The following SHE variants were observed in gnomAD, a reference collection of about 807,000 sequenced individuals.
SHE encodes SH2 domain-containing adapter protein E.
SHE carries 11 observed loss-of-function variants against 49.8 expected under a neutral mutation model. That is an observed-to-expected ratio of 0.22 (90% CI 0.14 to 0.37). The LOEUF (loss-of-function observed/expected upper bound fraction) is 0.37. SHE is among the 10% of genes least tolerant of loss of function. The pLI is 1.00. For missense variants in SHE, 624 were observed against 655.5 expected, an observed-to-expected ratio of 0.95 and a Z score of 0.52; for synonymous variants, 310 against 278.1, an observed-to-expected ratio of 1.11 and a Z score of -1.14.
intron 2 of SHE, among the ~76,000 whole-genome samples, chr1:154,490,088 T>C (rs1262436655): frequency 6.6e-6 from 1 of 152,248 alleles, no homozygotes. Flanking sequence ...ATTCAAAGCA[T>C]TGCTGCATAT....
At position 154,489,171 on chromosome 1, in the gene SHE, T is replaced by C. The variant is rs756211241; in HGVS notation, c.904A>G (p.Arg302Gly). Residue 302 changes from arginine to glycine, a missense_variant, in exon 3 of 6, where the codon AGG (arginine) becomes GGG (glycine). Arg to Gly is a moderately radical substitution (Grantham distance 125). Coordinates refer to ENST00000304760, the MANE Select transcript of SHE (RefSeq NM_001010846.3). The stretch of plus-strand genomic sequence containing the variant: ...GGGGGCCGCGCCTTCCCCTCTGCCC[T>C]GGGCCCCCCTTCTGCAGGCTCGTAG... The part of the protein sequence containing the change: ...TPYEPAEGGP[R>G]AEGKARPPDS... The C allele has an allele frequency of 1.2e-6, 2 of 1,614,154 alleles. No individual in the cohort carries two copies. Among genetic ancestry groups the C allele is most frequent in the Non-Finnish European group, 8.5e-7 (1 of 1,180,028 alleles).
At chr1:154,478,649 G>A (rs556382119), downstream of SHE, among the ~76,000 whole-genome samples, 2 of 152,188 alleles carry the variant, frequency 1.3e-5, no homozygotes, top group Non-Finnish European at 2.9e-5. Context: ...CGGAAAAAGA[G>A]TCTATTCTCA....
intron 2 of SHE, among the ~76,000 whole-genome samples, chr1:154,490,785 C>G (rs1692337476): frequency 6.6e-6 from 1 of 150,878 alleles, no homozygotes; most frequent in African/African-American, 2.4e-5. Context: ...AAAACAAAAC[C>G]ATTATAAGGT....
At chr1:154,484,389 C>G (rs1479175034) in intron 5 of SHE, 54 bp from the exon 6 acceptor site, 5 of 1,498,810 alleles carry the variant, frequency 3.3e-6, no homozygotes, top group Non-Finnish European at 3.7e-6. Context: ...GATCCCTCCC[C>G]ACTGAAAACA....
downstream of SHE, among the ~76,000 whole-genome samples, chr1:154,478,524 C>T (rs1691940991): frequency 6.6e-6 from 1 of 150,906 alleles, no homozygotes; most frequent in African/African-American, 2.4e-5. Context: ...GTTATTTCAT[C>T]ATTCTAAGCA....
Position 154,482,655 on chromosome 1 carries a change from A to G in SHE, c.*1494T>C. The G allele has an allele frequency of 5.1e-6, 5 of 985,436 alleles. No homozygotes were observed. The highest frequency in any genetic ancestry group is 4.8e-6 in the Non-Finnish European group (4 of 829,942). The allele number at this position is 985,436 out of a possible 1,614,324, so 61.0% of individuals were successfully genotyped here. On this transcript the variant is annotated 3_prime_UTR_variant, in exon 6 of 6. Transcript: ENST00000304760. ...CTGAATTTTAATTCTGGAGCCATTC[A>G]CCATAGTACTCTTCTCACAGTATGC... is the stretch of plus-strand genomic sequence containing the variant.
At chr1:154,484,485 G>A in intron 5 of SHE, 150 bp from the exon 6 acceptor site, 2 of 637,112 alleles carry the variant, frequency 3.1e-6, no homozygotes, top group Admixed American at 3.0e-5. Flanking sequence ...CCACACTCTA[G>A]TGGTACTCTC....
In SHE at chr1:154,501,631, C is replaced by T. The variant is rs1345274504; in HGVS notation, c.396G>A (p.Arg132=). Residue 132 remains arginine, a synonymous_variant, in exon 1 of 6, where the codon CGG becomes CGA. Coordinates refer to ENST00000304760, the MANE Select transcript of SHE (RefSeq NM_001010846.3). ...NSRATEEEPH[R]GATKSSGCST... Reference sequence around the variant, plus strand: ...TGCAGCCCGAGCTCTTGGTTGCACCCCGGTGGGGCTCCTCCTCCGTGGCCC... The same window carrying T: ...TGCAGCCCGAGCTCTTGGTTGCACCTCGGTGGGGCTCCTCCTCCGTGGCCC... 26 of 1,614,070 alleles carry T rather than the reference C, an allele frequency of 1.6e-5. No homozygotes were observed. Among genetic ancestry groups the T allele is most frequent in the Non-Finnish European group, 2.2e-5 (26 of 1,180,038 alleles).
rs144010308 is a variant in SHE at position 154,487,180 on chromosome 1, G to A, written c.1025-497C>T. On this transcript the variant is annotated intron_variant, in intron 3 of 5. Coordinates refer to ENST00000304760, the MANE Select transcript of SHE (RefSeq NM_001010846.3). Reference sequence around the variant, plus strand: ...CCAGCTACTTGGGAGGCTGAGGCAGGAGAATCACTTGAACCCGGGAGGCAG... The same window carrying A: ...CCAGCTACTTGGGAGGCTGAGGCAGAAGAATCACTTGAACCCGGGAGGCAG... Among the ~76,000 whole-genome samples, 698 of 150,718 alleles carry A rather than the reference G, an allele frequency of 4.6e-3. 14 individuals carry two copies. The East Asian group carries it at 0.065, about 14-fold the overall frequency.
chr1:154,486,006 T>G lies in SHE; in HGVS notation c.1238A>C (p.Lys413Thr). 6.2e-7 allele frequency: 1 copy of G among 1,614,152 alleles called. No homozygotes were observed. Among genetic ancestry groups the G allele is most frequent in the African/African-American group, 1.3e-5 (1 of 75,034 alleles). The change falls in exon 5 of 6, where the codon AAA (lysine) becomes ACA (threonine). Residue 413 changes from lysine to threonine, a missense_variant. Around this residue, in one of 4 missense-constraint regions of SHE, gnomAD observed 125 missense variants for 181.7 expected, o/e 0.69. Coordinates refer to ENST00000304760, the MANE Select transcript of SHE (RefSeq NM_001010846.3). The part of the protein sequence containing the change: ...AEAESRLQPC[K>T]EAGYLVRNSE... ...ATTTCGAACCAGGTAACCAGCTTCT[T>G]TGCAGGGCTGTAGTCGACTCTCAGC...
Position 154,482,332 on chromosome 1 carries a change from A to T in SHE, c.*1817T>A. On this transcript the variant is annotated 3_prime_UTR_variant, in exon 6 of 6. Coordinates refer to ENST00000304760, the MANE Select transcript of SHE (RefSeq NM_001010846.3). ...CCCAGCCTACATTCTTTATTAATAA[A>T]ATCATTGTGTTCCAGTGAGGAAAAG... 2 of 985,330 alleles carry T rather than the reference A, an allele frequency of 2.0e-6. No homozygotes were observed. The highest frequency in any genetic ancestry group is 2.4e-6 in the Non-Finnish European group (2 of 829,906). 61.0% of individuals were successfully genotyped at this position (985,330 alleles called of 1,614,324 possible). A position where few individuals can be genotyped will look rare whatever the true frequency, so the allele number is the denominator to read the frequency against.
downstream of SHE, among the ~76,000 whole-genome samples, chr1:154,475,246 G>A (rs1043868323): frequency 3.3e-5 from 5 of 152,160 alleles, no homozygotes; most frequent in Admixed American, 1.3e-4. Flanking sequence ...GAGTGCAACG[G>A]CGTGATCTTG....
downstream of SHE, among the ~76,000 whole-genome samples, chr1:154,476,367 G>A (rs1013706110): frequency 1.5e-4 from 23 of 152,012 alleles, no homozygotes; most frequent in Admixed American, 6.6e-5. Context: ...AAATCAGGCC[G>A]AGCACGGTGG....
In SHE at chr1:154,480,283, G is replaced by A. The variant is rs1450088905; in HGVS notation, c.*3866C>T. The A allele has an allele frequency of 2.0e-6, 2 of 985,310 alleles. No individual in the cohort carries two copies. The highest frequency in any genetic ancestry group is 3.5e-5 in the African/African-American group (2 of 57,222). 61.0% of individuals were successfully genotyped at this position (985,310 alleles called of 1,614,324 possible). On this transcript the variant is annotated 3_prime_UTR_variant, in exon 6 of 6. Coordinates refer to ENST00000304760, the MANE Select transcript of SHE (RefSeq NM_001010846.3). ...GTCAAGGGGTGCGGGGAAGGGAAATGAAATCGACATCACTGCACTCCCTAA... is the reference window on the plus strand; with the variant it reads ...GTCAAGGGGTGCGGGGAAGGGAAATAAAATCGACATCACTGCACTCCCTAA...
intron 2 of SHE, among the ~76,000 whole-genome samples, chr1:154,496,848 G>A (rs908367303): frequency 4.6e-5 from 7 of 152,000 alleles, no homozygotes; most frequent in Non-Finnish European, 7.4e-5. Flanking sequence ...ATAAACAGAT[G>A]TATGGTATAA....
chr1:154,485,980 T>C lies in SHE; in HGVS notation c.1264A>G (p.Ser422Gly). ...CKEAGYLVRN[S>G]ESGNSRYSIA... ...GAGTACCTGCTGTTCCCTGACTCACTATTTCGAACCAGGTAACCAGCTTCT... is the reference window on the plus strand; with the variant it reads ...GAGTACCTGCTGTTCCCTGACTCACCATTTCGAACCAGGTAACCAGCTTCT... Residue 422 changes from serine to glycine, a missense_variant, in exon 5 of 6, where the codon AGT (serine) becomes GGT (glycine). Physicochemically the swap from Ser to Gly is moderately conservative, Grantham distance 56. Coordinates refer to ENST00000304760, the MANE Select transcript of SHE (RefSeq NM_001010846.3). 1 of 1,614,150 alleles carries C rather than the reference T, an allele frequency of 6.2e-7. No individual in the cohort carries two copies. Among genetic ancestry groups the C allele is most frequent in the East Asian group, 2.2e-5 (1 of 44,884 alleles).
At chr1:154,478,004 T>C (rs1571038362), downstream of SHE, among the ~76,000 whole-genome samples, 1 of 152,172 alleles carries the variant, frequency 6.6e-6, no homozygotes, top group Non-Finnish European at 1.5e-5. Flanking sequence ...TTCTATGAAT[T>C]TGACTACTCT....
At position 154,483,569 on chromosome 1, in the gene SHE, T is replaced by C. The variant is rs1692079886; in HGVS notation, c.*580A>G. ...ACTCCTGACTTAACCTTCCTGAGGGTCACACCATAAAAAGAACACCCTACC... is the reference window on the plus strand; with the variant it reads ...ACTCCTGACTTAACCTTCCTGAGGGCCACACCATAAAAAGAACACCCTACC... On this transcript the variant is annotated 3_prime_UTR_variant, in exon 6 of 6. Transcript: ENST00000304760. 1 of 985,380 alleles carries C rather than the reference T, an allele frequency of 1.0e-6. No individual in the cohort carries two copies. The highest frequency in any genetic ancestry group is 4.7e-5 in the South Asian group (1 of 21,294). 61.0% of individuals were successfully genotyped at this position (985,380 alleles called of 1,614,324 possible).
intron 2 of SHE, among the ~76,000 whole-genome samples, chr1:154,496,312 A>T (rs1692529495): frequency 6.6e-6 from 1 of 152,234 alleles, no homozygotes; most frequent in South Asian, 2.1e-4. Context: ...AATAAATTTG[A>T]ATTTATTTGC....
Sources: allele counts gnomAD v4.1 joint callset (sites outside exome capture counted in the v4.1 genomes callset), GRCh38; gene constraint gnomAD v4.1.1; regional missense constraint gnomAD v4.1.1; transcripts MANE v1.5; gene names NCBI Gene and HGNC (gene_info 2026-07-23, HGNC 2026-07-21).